The following NRG2 variants were observed in gnomAD, a reference collection of about 807,000 sequenced individuals.
The protein encoded by NRG2 is neuregulin 2.
In NRG2, 27 loss-of-function variants were observed where a neutral mutation model predicts 73.9. The ratio of observed to expected loss-of-function variants is 0.37; its 90% CI spans 0.27 to 0.50. The LOEUF is 0.50. Ranked by LOEUF, NRG2 falls within the 20% of genes least tolerant of loss-of-function variation. The pLI is 0.96. For missense variants in NRG2, 1,126 were observed against 1,210.1 expected, an observed-to-expected ratio of 0.93 and a Z score of 1.03; for synonymous variants, 532 against 541.0, an observed-to-expected ratio of 0.98 and a Z score of 0.23.
chr5:139,949,279 G>A (rs1346255197), intron 1 of NRG2, among the ~76,000 whole-genome samples: 1 of 151,976 alleles, frequency 6.6e-6, no homozygotes, highest in African/African-American at 2.4e-5. Context: ...ACATATAATG[G>A]TCATGCTATG....
intron 1 of NRG2, among the ~76,000 whole-genome samples, chr5:139,933,002 C>T (rs777663939): frequency 3.3e-4 from 50 of 152,178 alleles, no homozygotes; most frequent in Non-Finnish European, 4.7e-4. Context: ...AGGCCGCACG[C>T]GGTGGCTCAC....
At chr5:139,849,719 C>A (rs1478707898) in intron 9 of NRG2, among the ~76,000 whole-genome samples, 1 of 152,186 alleles carries the variant, frequency 6.6e-6, no homozygotes, top group Admixed American at 6.5e-5. Context: ...CCTGACTCCT[C>A]CCTCTTCCCT....
intron 1 of NRG2, among the ~76,000 whole-genome samples, chr5:139,963,515 A>G (rs1489524434): frequency 6.6e-6 from 1 of 152,206 alleles, no homozygotes; most frequent in Non-Finnish European, 1.5e-5. Flanking sequence ...CTTCACACCC[A>G]TGATCCTCAT....
At chr5:139,901,370 C>A (rs1439466478) in intron 1 of NRG2, among the ~76,000 whole-genome samples, 1 of 152,130 alleles carries the variant, frequency 6.6e-6, no homozygotes, top group Non-Finnish European at 1.5e-5. Context: ...AGGCTGAGCT[C>A]CAGAGTGGCA....
chr5:139,865,713 G>T lies in NRG2; in HGVS notation c.1113-88C>A. ...GAAATCAAAGTGCACAGTGATGAAT[G>T]AGAAAAACCAAGTCAGGCACTTGGG... On this transcript the variant is annotated intron_variant, in intron 4 of 9. Coordinates refer to ENST00000361474, the MANE Select transcript of NRG2 (RefSeq NM_004883.3). The surrounding 1 kb of genome is among the most constrained non-coding windows in gnomAD (Gnocchi z 5.2). 8.8e-7 allele frequency: 1 copy of T among 1,139,586 alleles called. No homozygotes were observed. Among genetic ancestry groups the T allele is most frequent in the Non-Finnish European group, 1.3e-6 (1 of 787,128 alleles). 70.6% of individuals were successfully genotyped at this position (1,139,586 alleles called of 1,614,324 possible).
chr5:140,021,978 TC>T (rs1290211091), intron 1 of NRG2, among the ~76,000 whole-genome samples: 2 of 152,176 alleles, frequency 1.3e-5, no homozygotes, highest in Non-Finnish European at 2.9e-5. Context: ...TGCCTGGACT[TC>T]TAATTCTACA....
chr5:140,035,933 G>A (rs1413191797), intron 1 of NRG2, among the ~76,000 whole-genome samples: 1 of 152,144 alleles, frequency 6.6e-6, no homozygotes, highest in African/African-American at 2.4e-5. Context: ...TGCGTTGCTT[G>A]CAGAATACAG....
intron 1 of NRG2, among the ~76,000 whole-genome samples, chr5:139,952,020 T>C (rs1156601114): frequency 6.6e-6 from 1 of 152,278 alleles, no homozygotes; most frequent in African/African-American, 2.4e-5. Context: ...GCTCTGCCTC[T>C]TCCTAGCCAT....
At chr5:139,873,853 C>T (rs1411790874) in intron 3 of NRG2, among the ~76,000 whole-genome samples, 1 of 152,214 alleles carries the variant, frequency 6.6e-6, no homozygotes, top group Non-Finnish European at 1.5e-5. Flanking sequence ...CTGTGCTCAT[C>T]GAGGCTTTGG....
chr5:139,938,986 A>AAAGG (rs138407072), intron 1 of NRG2, among the ~76,000 whole-genome samples: 19,132 of 143,126 alleles, frequency 0.13, 1,667 homozygotes, highest in South Asian at 0.21. Flanking sequence ...GGAAGGAAGG[A>AAAGG]AAGGAAGGAA....
chr5:139,941,851 T>C (rs1253426154), intron 1 of NRG2, among the ~76,000 whole-genome samples: 1 of 152,222 alleles, frequency 6.6e-6, no homozygotes, highest in Non-Finnish European at 1.5e-5. Context: ...TTGTTTCAAC[T>C]TCCCATAGCA....
Position 139,954,955 on chromosome 5 carries a change from T to C in NRG2, c.701-67444A>G, listed in dbSNP as rs749230071. On this transcript the variant is annotated intron_variant, in intron 1 of 9. Coordinates refer to ENST00000361474, the MANE Select transcript of NRG2 (RefSeq NM_004883.3). This position sits in a 1 kb window ranked among gnomAD's most constrained non-coding sequence, Gnocchi z 5.0. ...GTTCTACCTTCTCTGTAGGGCACTG[T>C]GTCCCTGACCTGCCCACTCACGATT... Among the ~76,000 whole-genome samples the C allele has an allele frequency of 6.6e-6, 1 of 152,234 alleles. No homozygotes were observed. Among genetic ancestry groups the C allele is most frequent in the Non-Finnish European group, 1.5e-5 (1 of 68,036 alleles).
intron 1 of NRG2, among the ~76,000 whole-genome samples, chr5:139,980,326 T>C (rs1756697864): frequency 6.7e-6 from 1 of 149,030 alleles, no homozygotes; most frequent in African/African-American, 2.5e-5. Flanking sequence ...TCTTTCTAAT[T>C]CACAGGATGT....
chr5:139,939,247 T>TTCCTTCCTTCCTTC (rs1561694683), intron 1 of NRG2, among the ~76,000 whole-genome samples: 2 of 126,976 alleles, frequency 1.6e-5, no homozygotes, highest in East Asian at 2.2e-4. Flanking sequence ...TTCCTTCCTT[T>TTCCTTCCTTCCTTC]CTTTCTTTCT....
chr5:140,038,995 C>G (rs1436443304), intron 1 of NRG2, among the ~76,000 whole-genome samples: 1 of 152,180 alleles, frequency 6.6e-6, no homozygotes, highest in Non-Finnish European at 1.5e-5. Flanking sequence ...ATTTTGTGAA[C>G]CACCTTTCTC....
At chr5:139,978,994 C>A (rs867156021) in intron 1 of NRG2, among the ~76,000 whole-genome samples, 13 of 149,404 alleles carry the variant, frequency 8.7e-5, no homozygotes, top group Non-Finnish European at 1.3e-4. Context: ...GACAAAAAAA[C>A]CAAACACCGC....
chr5:139,952,760 C>T (rs1009274154), intron 1 of NRG2, among the ~76,000 whole-genome samples: 1 of 151,828 alleles, frequency 6.6e-6, no homozygotes, highest in Non-Finnish European at 1.5e-5. Context: ...TGGGGCGGTG[C>T]GTGTGTGTGT....
At chr5:139,928,789 C>T (rs1454237554) in intron 1 of NRG2, among the ~76,000 whole-genome samples, 1 of 152,216 alleles carries the variant, frequency 6.6e-6, no homozygotes, top group Admixed American at 6.5e-5. Context: ...ACATCTGTTA[C>T]CTGCCTCAGC....
At chr5:139,885,047 T>C (rs573352992) in intron 2 of NRG2, among the ~76,000 whole-genome samples, 12 of 152,054 alleles carry the variant, frequency 7.9e-5, no homozygotes, top group African/African-American at 2.7e-4. Context: ...GAGGCCAGAT[T>C]GGGCCTTCAG....
Sources: gnomAD v4.1 joint callset for allele counts (sites outside exome capture counted in the v4.1 genomes callset) on GRCh38, gnomAD v4.1.1 for gene constraint, Gnocchi (gnomAD v3.1) non-coding constraint, MANE v1.5 for transcripts, NCBI Gene and HGNC (gene_info 2026-07-23, HGNC 2026-07-21) for gene names.